The following GALNT9 variants were observed in gnomAD, a reference collection of about 807,000 sequenced individuals.
The protein encoded by GALNT9 is GalNAc transferase 9.
A neutral mutation model predicts 63.1 loss-of-function variants in GALNT9; 47 were observed. The ratio of observed to expected loss-of-function variants is 0.75; its 90% CI spans 0.59 to 0.95. GALNT9 has a LOEUF of 0.95. Among genes scored for constraint, GALNT9 ranks in the 40% least tolerant of loss-of-function variants. The probability of loss-of-function intolerance (pLI) is 0.00; values close to 1 mark genes in which losing one functional copy is unlikely to be tolerated. For synonymous variants in GALNT9, 396 were observed against 365.7 expected, an observed-to-expected ratio of 1.08 and a Z score of -0.94; for missense variants, 829 against 874.8, an observed-to-expected ratio of 0.95 and a Z score of 0.66.
intron 1 of GALNT9, among the ~76,000 whole-genome samples, chr12:132,322,164 G>A (rs116985647): frequency 0.022 from 3,314 of 152,264 alleles, 73 homozygotes; most frequent in East Asian, 0.086. Context: ...GTGAGCTTCC[G>A]GGCGGGCCCC....
In GALNT9 at chr12:132,296,199, G is replaced by T. The variant is rs1881071959; in HGVS notation, c.239-9769C>A. On this transcript the variant is annotated intron_variant, in intron 1 of 10. Transcript: ENST00000328957. The surrounding 1 kb of genome is among the most constrained non-coding windows in gnomAD (Gnocchi z 4.2). ...GGAATAGGGACGGCCTCCGAACAGG[G>T]AGAGTGTCCGTTTCTGTTGGTCTAA... Among the ~76,000 whole-genome samples the T allele has an allele frequency of 6.6e-6, 1 of 152,280 alleles. No homozygotes were observed. The highest frequency in any genetic ancestry group is 1.5e-5 in the Non-Finnish European group (1 of 68,052).
Position 132,261,026 on chromosome 12 carries a change from G to C in GALNT9, c.683C>G (p.Ala228Gly). ...GGCCGCCTTCCAGCCCTGCAGCCGC[G>C]CGCGGATCAGTCCTTCCCGCCGGCT... The part of the protein sequence containing the change: ...RNSRREGLIR[A>G]RLQGWKAATA... Residue 228 changes from alanine (A) to glycine (G), a missense_variant, in exon 4 of 11, where the codon GCG becomes GGG. Ala to Gly is a moderately conservative substitution (Grantham distance 60, BLOSUM62 0). Transcript: ENST00000328957. The C allele has an allele frequency of 6.4e-7, 1 of 1,550,976 alleles. No homozygotes were observed. Among genetic ancestry groups the C allele is most frequent in the Non-Finnish European group, 8.7e-7 (1 of 1,146,840 alleles).
chr12:132,228,587 A>G (rs1271656394), intron 6 of GALNT9, among the ~76,000 whole-genome samples: 3 of 151,668 alleles, frequency 2.0e-5, no homozygotes, highest in Non-Finnish European at 4.4e-5. Context: ...CCCTTGGAGA[A>G]TTGCAAAAGC....
intron 1 of GALNT9, among the ~76,000 whole-genome samples, chr12:132,287,635 C>A (rs150879489): frequency 6.6e-6 from 1 of 152,122 alleles, no homozygotes; most frequent in African/African-American, 2.4e-5. Flanking sequence ...CCATGGCCAT[C>A]GGGGCAGGAC....
At chr12:132,322,929 C>T (rs1052599371) in intron 1 of GALNT9, among the ~76,000 whole-genome samples, 3 of 152,190 alleles carry the variant, frequency 2.0e-5, no homozygotes, top group East Asian at 1.9e-4. Flanking sequence ...CTCTCCTGGC[C>T]GTCCCGTACG....
chr12:132,198,915 T>C (rs964983254), intron 9 of GALNT9, among the ~76,000 whole-genome samples: 2 of 152,140 alleles, frequency 1.3e-5, no homozygotes, highest in Non-Finnish European at 2.9e-5. Flanking sequence ...CCTCCCATCG[T>C]GCTGAGATGA....
At chr12:132,240,752 C>A (rs2136899397) in intron 6 of GALNT9, 1 of 455,594 alleles carries the variant, frequency 2.2e-6, no homozygotes, top group Non-Finnish European at 4.4e-6. Flanking sequence ...AGAACCTGAT[C>A]ACCAGCAGAA....
chr12:132,298,676 C>A (rs572313589), intron 1 of GALNT9, among the ~76,000 whole-genome samples: 1 of 152,012 alleles, frequency 6.6e-6, no homozygotes, highest in African/African-American at 2.4e-5. Flanking sequence ...CCACTCCCAC[C>A]ACACCTAACC....
At chr12:132,225,176 C>T (rs1877603284) in intron 6 of GALNT9, among the ~76,000 whole-genome samples, 1 of 143,680 alleles carries the variant, frequency 7.0e-6, no homozygotes, top group Admixed American at 7.0e-5. Flanking sequence ...TACCACACAA[C>T]CCACACACTG....
chr12:132,283,559 A>G (rs567868669), intron 2 of GALNT9: 1 of 152,398 alleles, frequency 6.6e-6, no homozygotes, highest in Admixed American at 6.5e-5. Context: ...TGGTCTGTGC[A>G]ATGGTGGGAT....
intron 1 of GALNT9, among the ~76,000 whole-genome samples, chr12:132,303,335 C>T (rs1402389229): frequency 6.6e-6 from 1 of 151,804 alleles, no homozygotes; most frequent in Non-Finnish European, 1.5e-5. Flanking sequence ...CCAGAATCCA[C>T]CACCAAAAAC....
chr12:132,305,526 C>T (rs28666515), intron 1 of GALNT9, among the ~76,000 whole-genome samples: 44,738 of 87,904 alleles, frequency 0.51, 12,160 homozygotes, highest in East Asian at 0.84. Flanking sequence ...CAGCCTCACC[C>T]GGGCACACCC....
In GALNT9 at chr12:132,303,430, C is replaced by T. The variant is rs782286877; in HGVS notation, c.239-17000G>A. ...ACCCTCACCCGGGCACAGCCTCGCC[C>T]GGGCACACCCTCGCCCGGGCACACC... On this transcript the variant is annotated intron_variant, in intron 1 of 10. Transcript: ENST00000328957. Among the ~76,000 whole-genome samples the T allele has an allele frequency of 7.3e-3, 799 of 109,746 alleles. 9 individuals are homozygous for T. Among genetic ancestry groups the T allele is most frequent in the Admixed American group, 0.022 (196 of 8,924 alleles). 72.0% of individuals were successfully genotyped at this position (109,746 alleles called of 152,430 possible). A position where few individuals can be genotyped will look rare whatever the true frequency, so the allele number is the denominator to read the frequency against.
intron 1 of GALNT9, among the ~76,000 whole-genome samples, chr12:132,320,808 C>CG (rs1424211360): frequency 3.3e-4 from 51 of 152,298 alleles, no homozygotes; most frequent in South Asian, 6.2e-4. Context: ...GCGGCGCCAG[C>CG]GGGGGGGTCC....
At chr12:132,306,713 C>T (rs573494508) in intron 1 of GALNT9, among the ~76,000 whole-genome samples, 5 of 152,296 alleles carry the variant, frequency 3.3e-5, no homozygotes, top group East Asian at 1.9e-4. Context: ...ATGTGACTTG[C>T]GCGAGGAAAA....
At position 132,319,322 on chromosome 12, in the gene GALNT9, A is replaced by AG. The variant is rs1333074720; in HGVS notation, c.238+9643dup. 4.6e-5 allele frequency among the ~76,000 whole-genome samples: 7 copies of AG among 152,144 alleles called. No individual in the cohort carries two copies. Among genetic ancestry groups the AG allele is most frequent in the African/African-American group, 1.7e-4 (7 of 41,438 alleles). On this transcript the variant is annotated intron_variant, in intron 1 of 10. Coordinates refer to ENST00000328957, the MANE Select transcript of GALNT9 (RefSeq NM_001122636.2). This position sits in a 1 kb window ranked among gnomAD's most constrained non-coding sequence, Gnocchi z 5.2. Reference sequence around the variant, plus strand: ...AGGCCCGGCTGGAACAGAAAGGCAGAGGAGGGCAGCTTCATGTCCTGTGTG... The same window carrying AG: ...AGGCCCGGCTGGAACAGAAAGGCAGAGGGAGGGCAGCTTCATGTCCTGTGTG...
At chr12:132,260,892 G>C (rs576896202) in intron 4 of GALNT9, 56 bp downstream of exon 4, 9 of 1,463,020 alleles carry the variant, frequency 6.2e-6, no homozygotes, top group Non-Finnish European at 8.1e-6. Flanking sequence ...GCTTAGGAGG[G>C]GGATGGTGGA....
Position 132,327,429 on chromosome 12 carries a change from G to A in GALNT9, c.238+1537C>T, listed in dbSNP as rs189216162. Reference sequence around the variant, plus strand: ...CCTTGAAGGGTGAGGCAGGGAAAACGACTCACAGGGCCGAGCTGCCCTCGT... The same window carrying A: ...CCTTGAAGGGTGAGGCAGGGAAAACAACTCACAGGGCCGAGCTGCCCTCGT... On this transcript the variant is annotated intron_variant, in intron 1 of 10. Transcript: ENST00000328957. This position sits in a 1 kb window ranked among gnomAD's most constrained non-coding sequence, Gnocchi z 4.3. 3.1e-3 allele frequency among the ~76,000 whole-genome samples: 478 copies of A among 151,882 alleles called. 2 individuals are homozygous for A. The highest frequency in any genetic ancestry group is 0.011 in the African/African-American group (455 of 41,406).
chr12:132,323,689 G>C (rs1479500891), intron 1 of GALNT9, among the ~76,000 whole-genome samples: 1 of 152,256 alleles, frequency 6.6e-6, no homozygotes. Flanking sequence ...GGCAATCCCC[G>C]TCCAGTAGCC....
Sources: allele counts gnomAD v4.1 joint callset (sites outside exome capture counted in the v4.1 genomes callset), GRCh38; gene constraint gnomAD v4.1.1; non-coding constraint Gnocchi (gnomAD v3.1); transcripts MANE v1.5; gene names NCBI Gene and HGNC (gene_info 2026-07-23, HGNC 2026-07-21).